The following SEL1L2 variants were observed in gnomAD, a reference collection of about 807,000 sequenced individuals.
The protein encoded by SEL1L2 is SEL1L2 adaptor subunit of SYVN1 ubiquitin ligase.
A neutral mutation model predicts 98.8 loss-of-function variants in SEL1L2; 89 were observed. That is an observed-to-expected ratio of 0.90 (90% CI 0.76 to 1.07). The LOEUF is 1.07. SEL1L2 is among the 50% of genes least tolerant of loss of function. The pLI is 0.00. For synonymous variants in SEL1L2, 262 were observed against 278.5 expected (o/e 0.94, Z 0.59); for missense variants, 788 against 812.0 (o/e 0.97, Z 0.36).
intron 18 of SEL1L2, among the ~76,000 whole-genome samples, chr20:13,858,283 C>G (rs976067614): frequency 9.9e-5 from 15 of 152,112 alleles, no homozygotes; most frequent in African/African-American, 3.6e-4. Context: ...GCCGATAATT[C>G]CCACGTTATT....
At chr20:13,911,902 C>T (rs1238563308) in intron 5 of SEL1L2, among the ~76,000 whole-genome samples, 1 of 152,054 alleles carries the variant, frequency 6.6e-6, no homozygotes, top group Non-Finnish European at 1.5e-5. Flanking sequence ...ATCCCTACTC[C>T]TCCCACATAT....
intron 2 of SEL1L2, among the ~76,000 whole-genome samples, chr20:13,943,843 C>A (rs1412776008): frequency 6.6e-6 from 1 of 152,012 alleles, no homozygotes; most frequent in Non-Finnish European, 1.5e-5. Flanking sequence ...AAAAAATTCA[C>A]CAATTTTTAT....
At chr20:13,858,497 G>A (rs1445433992) in intron 18 of SEL1L2, among the ~76,000 whole-genome samples, 1 of 152,150 alleles carries the variant, frequency 6.6e-6, no homozygotes, top group African/African-American at 2.4e-5. Context: ...CATACACAGT[G>A]GATAGTTCTA....
chr20:13,867,796 T>C (rs567084966), intron 14 of SEL1L2, among the ~76,000 whole-genome samples: 2 of 152,288 alleles, frequency 1.3e-5, no homozygotes, highest in East Asian at 3.9e-4. Flanking sequence ...GGAAATCTGG[T>C]AGATCCCAAG....
chr20:13,926,684 T>G (rs2048922036), intron 3 of SEL1L2, among the ~76,000 whole-genome samples: 1 of 152,238 alleles, frequency 6.6e-6, no homozygotes, highest in Admixed American at 6.5e-5. Context: ...AAATAGTTCC[T>G]CGTTGAAGGG....
intron 10 of SEL1L2, among the ~76,000 whole-genome samples, chr20:13,878,549 A>G (rs149256373): frequency 9.3e-4 from 142 of 152,350 alleles, no homozygotes; most frequent in African/African-American, 3.3e-3. Flanking sequence ...GTTGATGTGC[A>G]AAGACGTTCC....
At chr20:13,967,571 T>C (rs187205242) in intron 1 of SEL1L2, among the ~76,000 whole-genome samples, 9 of 152,314 alleles carry the variant, frequency 5.9e-5, no homozygotes, top group African/African-American at 1.7e-4. Context: ...CTTTCCCTAC[T>C]TGCAAGGGGA....
chr20:13,994,366 G>A (rs576089650), upstream of SEL1L2, among the ~76,000 whole-genome samples: 1 of 148,544 alleles, frequency 6.7e-6, no homozygotes, highest in South Asian at 2.2e-4. Flanking sequence ...ATCCTTATGA[G>A]AGTGTCCTAC....
At chr20:13,874,590 T>G (rs1023260246) in intron 12 of SEL1L2, among the ~76,000 whole-genome samples, 3 of 152,210 alleles carry the variant, frequency 2.0e-5, no homozygotes, top group African/African-American at 7.2e-5. Flanking sequence ...AGATTTTCCA[T>G]GTTACTCCTT....
At chr20:13,888,310 G>A (rs539498797) in intron 6 of SEL1L2, 149 bp downstream of exon 6, 1 of 656,344 alleles carries the variant, frequency 1.5e-6, no homozygotes, top group South Asian at 1.8e-5. Context: ...GAAACTTATG[G>A]CATAAGAACA....
intron 1 of SEL1L2, among the ~76,000 whole-genome samples, chr20:13,977,211 C>T (rs1223499643): frequency 1.3e-5 from 2 of 152,064 alleles, no homozygotes; most frequent in Non-Finnish European, 2.9e-5. Flanking sequence ...CACATGTAAA[C>T]AAAGTTGTGG....
At chr20:13,871,084 A>T (rs2046170594) in intron 12 of SEL1L2, among the ~76,000 whole-genome samples, 1 of 152,054 alleles carries the variant, frequency 6.6e-6, no homozygotes, top group South Asian at 2.1e-4. Flanking sequence ...AGTTTTCCAG[A>T]AGGGAGAAGT....
At chr20:13,900,219 T>G (rs2047610201) in intron 5 of SEL1L2, among the ~76,000 whole-genome samples, 1 of 152,092 alleles carries the variant, frequency 6.6e-6, no homozygotes. Flanking sequence ...AGGAACTGAT[T>G]TATATTTTCT....
At chr20:13,891,791 T>C (rs1321088146) in intron 5 of SEL1L2, among the ~76,000 whole-genome samples, 1 of 152,066 alleles carries the variant, frequency 6.6e-6, no homozygotes, top group African/African-American at 2.4e-5. Flanking sequence ...CTGAGGGAGT[T>C]TATCATCACT....
Position 13,849,435 on chromosome 20 carries a change from A to T in SEL1L2, c.*50T>A. On this transcript the variant is annotated 3_prime_UTR_variant, in exon 20 of 20. Transcript: ENST00000284951. ...GGGAAACTGTTTATTTAGTGGGGAT[A>T]CCTTGGAGTGAACTGATTCCCGTGA... is the stretch of plus-strand genomic sequence containing the variant. 1 of 1,602,472 alleles carries T rather than the reference A, an allele frequency of 6.2e-7. No homozygotes were observed. Among genetic ancestry groups the T allele is most frequent in the South Asian group, 1.1e-5 (1 of 89,348 alleles).
intron 5 of SEL1L2, among the ~76,000 whole-genome samples, chr20:13,910,813 A>G (rs1345668714): frequency 1.3e-5 from 2 of 152,226 alleles, no homozygotes; most frequent in East Asian, 3.8e-4. Context: ...TGATAACCAC[A>G]CTACTTAGAG....
intron 2 of SEL1L2, among the ~76,000 whole-genome samples, chr20:13,948,084 A>G (rs142680109): frequency 6.6e-6 from 1 of 152,352 alleles, no homozygotes; most frequent in Non-Finnish European, 1.5e-5. Flanking sequence ...CCAGCCACAG[A>G]GGCTTCCAGC....
chr20:13,896,699 C>T (rs1433178866), intron 5 of SEL1L2, among the ~76,000 whole-genome samples: 1 of 151,980 alleles, frequency 6.6e-6, no homozygotes, highest in African/African-American at 2.4e-5. Context: ...ATAAACTTAA[C>T]TAAAAAGGTA....
At position 13,886,368 on chromosome 20, in the gene SEL1L2, T is replaced by G; in HGVS notation, c.820A>C (p.Ser274Arg). The G allele has an allele frequency of 6.2e-7, 1 of 1,613,738 alleles. No homozygotes were observed. The highest frequency in any genetic ancestry group is 8.5e-7 in the Non-Finnish European group (1 of 1,179,672). ...CAATCCAAAATCTCACTGTTAGAAC[T>G]CAGATTTTCAGGTCTTTCCGTTAGT... The part of the protein sequence containing the change: ...VRLTERPENL[S>R]SNSEILDWDI... Residue 274 changes from serine to arginine, a missense_variant, in exon 9 of 20, where the codon AGT (serine) becomes CGT (arginine). Transcript: ENST00000284951.
Sources: allele counts gnomAD v4.1 joint callset (sites outside exome capture counted in the v4.1 genomes callset), GRCh38; gene constraint gnomAD v4.1.1; transcripts MANE v1.5; gene names NCBI Gene and HGNC (gene_info 2026-07-23, HGNC 2026-07-21).